The following TNK2 variants were observed in gnomAD, a reference collection of about 807,000 sequenced individuals.
TNK2 encodes the protein tyrosine kinase non receptor 2, also known as activated CDC42 kinase 1.
A neutral mutation model predicts 101.8 loss-of-function variants in TNK2; 83 were observed. The ratio of observed to expected loss-of-function variants is 0.82; its 90% confidence interval spans 0.68 to 0.98. The LOEUF (loss-of-function observed/expected upper bound fraction) is 0.98. Ranked by LOEUF, TNK2 falls within the 50% of genes least tolerant of loss-of-function variation. The pLI, the probability that TNK2 is intolerant of heterozygous loss-of-function variation, is 0.00. For missense variants in TNK2, 1,665 were observed against 1,483.2 expected (o/e 1.12, Z -2.01); for synonymous variants, 804 against 633.0 (o/e 1.27, Z -4.06).
Position 195,878,987 on chromosome 3 carries a change from C to A in TNK2, c.1014+62G>T. On this transcript the variant is annotated intron_variant, in intron 7 of 15. Coordinates refer to ENST00000672887, the MANE Select transcript of TNK2 (RefSeq NM_001382273.1). This position sits in a 1 kb window ranked among gnomAD's most constrained non-coding sequence, Gnocchi z 4.7. ...GAGAGGCAGTTCCAGCAGGGCCAGGCTGCAAGCAGGGAATGGAATTCACCC... is the reference window on the plus strand; with the variant it reads ...GAGAGGCAGTTCCAGCAGGGCCAGGATGCAAGCAGGGAATGGAATTCACCC... The A allele has an allele frequency of 1.9e-6, 3 of 1,588,968 alleles. No homozygotes were observed. Among genetic ancestry groups the A allele is most frequent in the Non-Finnish European group, 2.6e-6 (3 of 1,168,392 alleles).
At chr3:195,876,027 A>G (rs1189483199) in intron 9 of TNK2, among the ~76,000 whole-genome samples, 1 of 152,166 alleles carries the variant, frequency 6.6e-6, no homozygotes, top group Non-Finnish European at 1.5e-5. Flanking sequence ...CCAGGCCTGG[A>G]GGGATAACCC....
chr3:195,878,288 G>T lies in TNK2; in HGVS notation c.1221C>A (p.Ile407=). ...TGACGGTGATGACATCATTCATCTG[G>T]ATGTGCAGCTTGTCCGGTTCCTCAA... ...QDFEEPDKLH[I]QMNDVITVIE... is the part of the protein sequence containing the mutation. Residue 407 remains isoleucine, a synonymous_variant, in exon 9 of 16, where the codon ATC becomes ATA. Transcript: ENST00000672887. The surrounding 1 kb of genome is among the most constrained non-coding windows in gnomAD (Gnocchi z 4.7). 6.2e-7 allele frequency: 1 copy of T among 1,614,000 alleles called. No homozygotes were observed. The highest frequency in any genetic ancestry group is 8.5e-7 in the Non-Finnish European group (1 of 1,179,988).
chr3:195,867,518 A>G lies in TNK2; in HGVS notation c.2780T>C (p.Met927Thr), dbSNP rs761756559. ...CTTGGGGTCCAAGGCAGCCTGGGGC[A>G]TCGGCCGCACGGTGGCCGTGGGGGC... Reference protein sequence around the residue: ...PAAPTATVRPMPQAALDPKAN... With the variant: ...PAAPTATVRPTPQAALDPKAN... Residue 927 changes from methionine (M) to threonine (T), a missense_variant, in exon 13 of 16, where the codon ATG (methionine) becomes ACG (threonine). Coordinates refer to ENST00000672887, the MANE Select transcript of TNK2 (RefSeq NM_001382273.1). 6.5e-7 allele frequency: 1 copy of G among 1,544,280 alleles called. No homozygotes were observed. The highest frequency in any genetic ancestry group is 1.2e-5 in the South Asian group (1 of 84,628).
Position 195,868,682 on chromosome 3 carries a change from T to C in TNK2, c.1616A>G (p.Asp539Gly). 8 of 1,591,736 alleles carry C rather than the reference T, an allele frequency of 5.0e-6. No homozygotes were observed. Among genetic ancestry groups the C allele is most frequent in the Non-Finnish European group, 6.8e-6 (8 of 1,177,126 alleles). Residue 539 changes from aspartate to glycine, a missense_variant, in exon 13 of 16, where the codon GAC becomes GGC. By Grantham distance (94) the Asp-to-Gly change is moderately conservative. Around this residue, in one of 3 missense-constraint regions of TNK2, gnomAD observed 1,136 missense variants for 894.9 expected, o/e 1.27. Transcript: ENST00000672887. ...GAAGTCGCTGGACAAGGGGTCTTGGTCCTCGCTCACAGGGTCATAGGTTGG... is the reference window on the plus strand; with the variant it reads ...GAAGTCGCTGGACAAGGGGTCTTGGCCCTCGCTCACAGGGTCATAGGTTGG... ...QKPTYDPVSE[D>G]QDPLSSDFKR...
intron 15 of TNK2, among the ~76,000 whole-genome samples, chr3:195,866,387 G>C (rs1400521269): frequency 2.6e-5 from 4 of 152,172 alleles, no homozygotes; most frequent in Admixed American, 2.0e-4. Context: ...TTTTAGTAGA[G>C]ACCTGGTCTC....
chr3:195,869,152 C>G (rs1472369279), intron 12 of TNK2: 3 of 539,658 alleles, frequency 5.6e-6, no homozygotes, highest in African/African-American at 1.9e-5. Context: ...GGACAGTACT[C>G]CTGACCAACG....
Position 195,878,676 on chromosome 3 carries a change from C to G in TNK2, c.1015-84G>C. The G allele has an allele frequency of 6.6e-7, 1 of 1,524,462 alleles. No homozygotes were observed. Among genetic ancestry groups the G allele is most frequent in the Non-Finnish European group, 8.8e-7 (1 of 1,134,598 alleles). 94.4% of individuals were successfully genotyped at this position (1,524,462 alleles called of 1,614,324 possible). A position where few individuals can be genotyped will look rare whatever the true frequency, so the allele number is the denominator to read the frequency against. ...CGCCTTCCCTCCAGCCCATCCACAG[C>G]TGCAGCGGCTGCTGCCATGCCTGGC... On this transcript the variant is annotated intron_variant, in intron 7 of 15. Coordinates refer to ENST00000672887, the MANE Select transcript of TNK2 (RefSeq NM_001382273.1). The surrounding 1 kb of genome is among the most constrained non-coding windows in gnomAD (Gnocchi z 4.7).
At chr3:195,881,966 G>A (rs1753339407) in intron 6 of TNK2, 85 bp downstream of exon 6, 3 of 1,500,112 alleles carry the variant, frequency 2.0e-6, no homozygotes, top group Middle Eastern at 3.7e-4. Flanking sequence ...GCAAAACCAG[G>A]GGCTGTGGTG....
In TNK2 at chr3:195,896,624, A is replaced by G. The variant is rs1760565812; in HGVS notation, c.-18-8018T>C. The G allele has an allele frequency of 2.6e-5, 4 of 155,750 alleles. No individual in the cohort carries two copies. The South Asian group carries it at 6.9e-4, about 27-fold the overall frequency. The allele number at this position is 155,750 out of a possible 1,614,324, so 9.6% of individuals were successfully genotyped here. A position where few individuals can be genotyped will look rare whatever the true frequency, so the allele number is the denominator to read the frequency against. ...GCCCCTCCCTTCTTGCCCTGGCTGGATAAAGGATCTGATCCAAACCAGTGC... is the reference window on the plus strand; with the variant it reads ...GCCCCTCCCTTCTTGCCCTGGCTGGGTAAAGGATCTGATCCAAACCAGTGC... On this transcript the variant is annotated intron_variant, in intron 1 of 15. Coordinates refer to ENST00000672887, the MANE Select transcript of TNK2 (RefSeq NM_001382273.1).
At chr3:195,899,444 A>G (rs1760982889) in intron 1 of TNK2, among the ~76,000 whole-genome samples, 1 of 151,764 alleles carries the variant, frequency 6.6e-6, no homozygotes, top group Admixed American at 6.6e-5. Context: ...CTCCTGCCTC[A>G]GCCTCCCAAG....
intron 1 of TNK2, among the ~76,000 whole-genome samples, chr3:195,905,303 G>A (rs181613245): frequency 0.01 from 1,559 of 152,176 alleles, 24 homozygotes; most frequent in Non-Finnish European, 0.011. Context: ...GGGTTCATGC[G>A]ATTCTCCTGA....
intron 1 of TNK2, among the ~76,000 whole-genome samples, chr3:195,899,755 G>C (rs934274070): frequency 6.6e-6 from 1 of 152,224 alleles, no homozygotes; most frequent in African/African-American, 2.4e-5. Flanking sequence ...GCTGTGGTCT[G>C]TACATCGTAA....
intron 14 of TNK2, 58 bp from the exon 15 acceptor site, chr3:195,867,074 A>G (rs1741366325): frequency 6.2e-7 from 1 of 1,608,512 alleles, no homozygotes; most frequent in Non-Finnish European, 8.5e-7. Flanking sequence ...TAGGGTGGGG[A>G]AGAGGGGAGT....
chr3:195,905,758 C>A (rs777408721), intron 1 of TNK2, among the ~76,000 whole-genome samples: 49 of 152,032 alleles, frequency 3.2e-4, no homozygotes, highest in Non-Finnish European at 5.7e-4. Context: ...GGACATGACA[C>A]CAAAAATGCA....
Position 195,885,019 on chromosome 3 carries a change from C to A in TNK2, c.249G>T (p.Lys83Asn). ...GAGGTGGGAACTCAGCCTCCAGTCG[C>A]TTTCCACTGAACACCTGTTTGAAGG... ...KSWMSKVFSG[K>N]RLEAEFPPHH... The change falls in exon 4 of 16, where the codon AAG (lysine) becomes AAT (asparagine). Residue 83 changes from lysine (K) to asparagine (N), a missense_variant. Lys to Asn is a moderately conservative substitution (Grantham distance 94). Transcript: ENST00000672887. The surrounding 1 kb of genome is among the most constrained non-coding windows in gnomAD (Gnocchi z 4.7). 1 of 1,602,676 alleles carries A rather than the reference C, an allele frequency of 6.2e-7. No individual in the cohort carries two copies. Among genetic ancestry groups the A allele is most frequent in the Non-Finnish European group, 8.5e-7 (1 of 1,173,032 alleles).
Position 195,884,792 on chromosome 3 carries a change from G to A in TNK2, c.456+20C>T, listed in dbSNP as rs750387673. Reference sequence around the variant, plus strand: ...CGGGTCCCATGCCTCTGCTGCGCTGGCAGGACACAGAGAGCTCACCGTCTT... The same window carrying A: ...CGGGTCCCATGCCTCTGCTGCGCTGACAGGACACAGAGAGCTCACCGTCTT... On this transcript the variant is annotated intron_variant, in intron 4 of 15. Transcript: ENST00000672887. The A allele has an allele frequency of 3.8e-6, 6 of 1,593,364 alleles. No individual in the cohort carries two copies. The highest frequency in any genetic ancestry group is 5.1e-6 in the Non-Finnish European group (6 of 1,170,176).
At chr3:195,869,773 G>A in intron 11 of TNK2, 1 of 599,590 alleles carries the variant, frequency 1.7e-6, no homozygotes, top group Non-Finnish European at 3.0e-6. Flanking sequence ...GCCCCAGGCA[G>A]AGCCGGAGCC....
Position 195,882,128 on chromosome 3 carries a change from G to A in TNK2, c.810C>T (p.Asp270=), listed in dbSNP as rs755658574. ...LATRDLVKIG[D]FGLMRALPQN... Reference sequence around the variant, plus strand: ...GAGGTAGTGCTCGCATCAGCCCAAAGTCCCCGATCTTGACCAGGTCGCGGG... The same window carrying A: ...GAGGTAGTGCTCGCATCAGCCCAAAATCCCCGATCTTGACCAGGTCGCGGG... Residue 270 remains aspartate, a synonymous_variant, in exon 6 of 16, where the codon GAC becomes GAT. Coordinates refer to ENST00000672887, the MANE Select transcript of TNK2 (RefSeq NM_001382273.1). This position sits in a 1 kb window ranked among gnomAD's most constrained non-coding sequence, Gnocchi z 4.2. 1 of 1,613,922 alleles carries A rather than the reference G, an allele frequency of 6.2e-7. No individual in the cohort carries two copies. Among genetic ancestry groups the A allele is most frequent in the South Asian group, 1.1e-5 (1 of 91,086 alleles).
At chr3:195,866,182 G>A (rs1172214704) in intron 15 of TNK2, among the ~76,000 whole-genome samples, 1 of 152,102 alleles carries the variant, frequency 6.6e-6, no homozygotes, top group Non-Finnish European at 1.5e-5. Flanking sequence ...TTACAGGAAA[G>A]ACAATATATT....
Sources: allele counts gnomAD v4.1 joint callset (sites outside exome capture counted in the v4.1 genomes callset), GRCh38; gene constraint gnomAD v4.1.1; regional missense constraint gnomAD v4.1.1; non-coding constraint Gnocchi (gnomAD v3.1); transcripts MANE v1.5; gene names NCBI Gene and HGNC (gene_info 2026-07-23, HGNC 2026-07-21).